The following ARHGEF12 variants were observed in gnomAD, a reference collection of about 807,000 sequenced individuals.
ARHGEF12 encodes Rho guanine nucleotide exchange factor 12, also known as KMT2A/ARHGEF12 fusion protein.
A neutral mutation model predicts 211.2 loss-of-function variants in ARHGEF12; 66 were observed. That is an observed-to-expected ratio of 0.31 (90% CI 0.26 to 0.38). ARHGEF12 has a LOEUF of 0.38. Among genes scored for constraint, ARHGEF12 ranks in the 10% least tolerant of loss-of-function variants. ARHGEF12 has a pLI of 1.00. For missense variants in ARHGEF12, 1,429 were observed against 1,869.5 expected, an observed-to-expected ratio of 0.76 and a Z score of 4.34; for synonymous variants, 592 against 638.4, an observed-to-expected ratio of 0.93 and a Z score of 1.09.
intron 9 of ARHGEF12, 87 bp downstream of exon 9, chr11:120,429,604 C>T: frequency 6.4e-7 from 1 of 1,558,958 alleles, no homozygotes; most frequent in Non-Finnish European, 8.8e-7. Context: ...CACAATCAAG[C>T]AGCATTGTAA....
chr11:120,396,625 A>G (rs1161423445), intron 1 of ARHGEF12, among the ~76,000 whole-genome samples: 3 of 152,230 alleles, frequency 2.0e-5, no homozygotes, highest in African/African-American at 7.2e-5. Flanking sequence ...TGCTGGAACA[A>G]TTGGATTTCA....
intron 30 of ARHGEF12, among the ~76,000 whole-genome samples, chr11:120,472,719 A>T (rs991681415): frequency 2.7e-4 from 41 of 151,606 alleles, no homozygotes; most frequent in African/African-American, 9.7e-4. Context: ...CAGTGGCGTG[A>T]TCTCGGCTCA....
chr11:120,429,729 C>T lies in ARHGEF12; in HGVS notation c.681C>T (p.Tyr227=), dbSNP rs764522950. The change falls in exon 10 of 41, where the codon TAC becomes TAT. Residue 227 remains tyrosine, a synonymous_variant. Transcript: ENST00000397843. The part of the protein sequence containing the change: ...QERLQLLQED[Y]NRTPAQRLLK... ...CTTTTCAGTTATTGCAGGAAGATTACAACCGAACACCTGCCCAAAGATTGC... is the reference window on the plus strand; with the variant it reads ...CTTTTCAGTTATTGCAGGAAGATTATAACCGAACACCTGCCCAAAGATTGC... The T allele has an allele frequency of 1.9e-6, 3 of 1,613,050 alleles. No homozygotes were observed. The highest frequency in any genetic ancestry group is 2.5e-6 in the Non-Finnish European group (3 of 1,179,644).
intron 2 of ARHGEF12, 36 bp from the exon 3 acceptor site, chr11:120,407,702 T>C: frequency 6.8e-7 from 1 of 1,478,446 alleles, no homozygotes; most frequent in African/African-American, 1.4e-5. Flanking sequence ...AATGATTTTC[T>C]TGCACTAAGC....
intron 2 of ARHGEF12, among the ~76,000 whole-genome samples, chr11:120,406,964 C>G (rs547838278): frequency 1.1e-4 from 17 of 152,324 alleles, no homozygotes; most frequent in African/African-American, 4.1e-4. Context: ...TCTTAAATGC[C>G]TCTTCCTCAG....
chr11:120,459,040 G>T, intron 25 of ARHGEF12, 134 bp from the exon 26 acceptor site: 1 of 772,288 alleles, frequency 1.3e-6, no homozygotes, highest in Non-Finnish European at 1.8e-6. Flanking sequence ...TGACTTCAGA[G>T]ATATTTCATC....
intron 27 of ARHGEF12, chr11:120,464,071 G>T (rs912303354): frequency 6.6e-6 from 1 of 152,160 alleles, no homozygotes; most frequent in African/African-American, 2.4e-5. Context: ...TTTAGCAAAA[G>T]AATTCATAAG....
chr11:120,405,863 G>T, intron 1 of ARHGEF12: 1 of 327,224 alleles, frequency 3.1e-6, no homozygotes, highest in East Asian at 5.2e-5. Flanking sequence ...TCTTATTATT[G>T]GGATTTTTAA....
intron 4 of ARHGEF12, among the ~76,000 whole-genome samples, chr11:120,417,505 ATTTTTT>A (rs34950022): frequency 7.6e-6 from 1 of 130,982 alleles, no homozygotes; most frequent in African/African-American, 2.9e-5. Context: ...TAGTCTAATA[ATTTTTT>A]TTTTTTTTTT....
At chr11:120,460,632 T>G in intron 26 of ARHGEF12, 40 bp from the exon 27 acceptor site, 1 of 1,554,552 alleles carries the variant, frequency 6.4e-7, no homozygotes, top group South Asian at 1.1e-5. Flanking sequence ...CTGTCTACAC[T>G]GAATGTGTTA....
intron 26 of ARHGEF12, among the ~76,000 whole-genome samples, chr11:120,459,571 T>G (rs985532072): frequency 2.6e-5 from 4 of 152,142 alleles, no homozygotes; most frequent in African/African-American, 9.7e-5. Context: ...ATAGTCAAAT[T>G]CACCGTTGAA....
At chr11:120,403,884 A>G (rs1944616282) in intron 1 of ARHGEF12, among the ~76,000 whole-genome samples, 3 of 152,246 alleles carry the variant, frequency 2.0e-5, no homozygotes, top group African/African-American at 4.8e-5. Context: ...AATGTATTTC[A>G]TCAGACTAAT....
intron 31 of ARHGEF12, among the ~76,000 whole-genome samples, chr11:120,473,657 C>T (rs1946943406): frequency 6.6e-6 from 1 of 152,308 alleles, no homozygotes; most frequent in Non-Finnish European, 1.5e-5. Flanking sequence ...CAGCCTCCCA[C>T]AGTGCAGGGA....
chr11:120,378,161 ACAT>A (rs146140866), intron 1 of ARHGEF12, among the ~76,000 whole-genome samples: 1,865 of 152,316 alleles, frequency 0.012, 33 homozygotes, highest in African/African-American at 0.043. Context: ...TACTTGTTCT[ACAT>A]CCTCATCAAC....
At chr11:120,427,937 G>A in intron 7 of ARHGEF12, 132 bp from the exon 8 acceptor site, 1 of 640,076 alleles carries the variant, frequency 1.6e-6, no homozygotes, top group Non-Finnish European at 2.4e-6. Flanking sequence ...ACATGATGTA[G>A]CAGATGATGG....
chr11:120,344,265 CAAAAAAAAAAAAAAA>C (rs71473103), intron 1 of ARHGEF12, among the ~76,000 whole-genome samples: 1 of 53,014 alleles, frequency 1.9e-5, no homozygotes, highest in East Asian at 9.0e-4. Context: ...GACTCCGTCT[CAAAAAAAAAAAAAAA>C]AAAAAAAAAA....
chr11:120,346,184 C>T (rs1942713917), intron 1 of ARHGEF12, among the ~76,000 whole-genome samples: 1 of 152,156 alleles, frequency 6.6e-6, no homozygotes, highest in Non-Finnish European at 1.5e-5. Context: ...GCACCTACTC[C>T]ATAATAAGTG....
intron 1 of ARHGEF12, among the ~76,000 whole-genome samples, chr11:120,393,706 A>T (rs1028679263): frequency 6.6e-6 from 1 of 152,244 alleles, no homozygotes; most frequent in African/African-American, 2.4e-5. Flanking sequence ...CAAATAGACA[A>T]ATCTACAAAC....
intron 1 of ARHGEF12, among the ~76,000 whole-genome samples, chr11:120,363,658 A>T (rs1426017299): frequency 6.6e-6 from 1 of 152,236 alleles, no homozygotes; most frequent in Admixed American, 6.5e-5. Flanking sequence ...AACCAGCAAG[A>T]TAATGTCAAG....
Sources: gnomAD v4.1 joint callset for allele counts (sites outside exome capture counted in the v4.1 genomes callset) on GRCh38, gnomAD v4.1.1 for gene constraint, MANE v1.5 for transcripts, NCBI Gene and HGNC (gene_info 2026-07-23, HGNC 2026-07-21) for gene names.